Variants in PRKDC observed in about 807,000 individuals in gnomAD.
PRKDC encodes DNA-dependent protein kinase catalytic subunit.
Under a neutral mutation model 486.9 loss-of-function variants are expected in PRKDC, and 82 were observed. That is an observed-to-expected ratio of 0.17 (90% CI 0.14 to 0.20). The LOEUF is 0.20. Among genes scored for constraint, PRKDC ranks in the 10% least tolerant of loss-of-function variants. The pLI, the probability that PRKDC is intolerant of heterozygous loss-of-function variation, is 1.00. For synonymous variants in PRKDC, 1,895 were observed against 1,837.0 expected (o/e 1.03, Z -0.81); for missense variants, 4,504 against 5,038.2 (o/e 0.89, Z 3.21).
chr8:47,836,654 A>G (rs1202725561), intron 57 of PRKDC, 127 bp from the exon 58 acceptor site: 1 of 859,174 alleles, frequency 1.2e-6, no homozygotes, highest in African/African-American at 1.7e-5. Context: ...ATAACTTCAT[A>G]TGCAGCTGAA....
chr8:47,820,866 T>C lies in PRKDC; in HGVS notation c.9189A>G (p.Thr3063=). 1 of 1,611,584 alleles carries C rather than the reference T, an allele frequency of 6.2e-7. No homozygotes were observed. Among genetic ancestry groups the C allele is most frequent in the Non-Finnish European group, 8.5e-7 (1 of 1,178,312 alleles). Residue 3063 remains threonine, a synonymous_variant, in exon 66 of 86, where the codon ACA becomes ACG. Transcript: ENST00000314191. The part of the protein sequence containing the change: ...LQGEADQSLL[T]FIDKAMHGEL... ...CCCCGTGCATAGCTTTGTCAATAAA[T>C]GTCAGCAGGGACTGGTCAGCCTCTC...
chr8:47,862,243 A>G, intron 43 of PRKDC, 116 bp from the exon 44 acceptor site: 1 of 1,336,868 alleles, frequency 7.5e-7, no homozygotes, highest in East Asian at 2.5e-5. Flanking sequence ...AGCTTTAAAT[A>G]TACCTATGCA....
chr8:47,898,414 C>A, intron 29 of PRKDC, 56 bp downstream of exon 29: 1 of 1,355,820 alleles, frequency 7.4e-7, no homozygotes, highest in Non-Finnish European at 1.0e-6. Flanking sequence ...CCTTCATTAG[C>A]TGTGAATTAG....
intron 40 of PRKDC, among the ~76,000 whole-genome samples, chr8:47,874,634 C>G (rs1350285817): frequency 6.6e-6 from 1 of 151,670 alleles, no homozygotes; most frequent in African/African-American, 2.4e-5. Context: ...TGGTGTGTGC[C>G]TGTAGTCTCA....
intron 63 of PRKDC, among the ~76,000 whole-genome samples, chr8:47,825,875 T>C (rs1480397489): frequency 6.6e-6 from 1 of 152,198 alleles, no homozygotes; most frequent in Non-Finnish European, 1.5e-5. Flanking sequence ...TATTTATGTG[T>C]AAAGTACATA....
intron 40 of PRKDC, among the ~76,000 whole-genome samples, chr8:47,865,496 T>C (rs575708554): frequency 4.9e-4 from 74 of 152,368 alleles, no homozygotes; most frequent in Non-Finnish European, 9.3e-4. Flanking sequence ...GGTCCTTTAT[T>C]TTCTCACCTG....
In PRKDC at chr8:47,928,993, A is replaced by G. The variant is rs1301080687; in HGVS notation, c.2139+99T>C. 2.9e-6 allele frequency: 3 copies of G among 1,028,412 alleles called. No individual in the cohort carries two copies. The African/African-American group carries it at 4.9e-5, about 17-fold the overall frequency. The allele number at this position is 1,028,412 out of a possible 1,614,324, so 63.7% of individuals were successfully genotyped here. A position where few individuals can be genotyped will look rare whatever the true frequency, so the allele number is the denominator to read the frequency against. On this transcript the variant is annotated intron_variant, in intron 19 of 85. Transcript: ENST00000314191. ...GCATGAGCCACCGCACCCAGCCCCA[A>G]TTCTTAAAATAATTATTTATGATCA...
intron 29 of PRKDC, among the ~76,000 whole-genome samples, chr8:47,897,898 G>A (rs1164278457): frequency 6.6e-6 from 1 of 152,178 alleles, no homozygotes. Flanking sequence ...TCACTAGCAT[G>A]GATAACAGAT....
Position 47,927,195 on chromosome 8 carries a change from T to C in PRKDC, c.2418A>G (p.Ser806=), listed in dbSNP as rs762107766. The C allele has an allele frequency of 6.2e-7, 1 of 1,613,226 alleles. No individual in the cohort carries two copies. The highest frequency in any genetic ancestry group is 8.5e-7 in the Non-Finnish European group (1 of 1,179,310). Residue 806 remains serine (S), a splice_region_variant and synonymous_variant, in exon 21 of 86, where the codon TCA becomes TCG. Transcript: ENST00000314191. ...LDGYLKTSAL[S]DETKNNWEVS... ...CATCACAATTCTTCTAAACATTACC[T>C]GACAAGGCTGAAGTCTTCAGGTATC...
intron 9 of PRKDC, 68 bp from the exon 10 acceptor site, chr8:47,943,434 T>C: frequency 6.9e-7 from 1 of 1,455,492 alleles, no homozygotes. Flanking sequence ...CCAACAAACC[T>C]GCAGGGATAT....
At position 47,849,316 on chromosome 8, in the gene PRKDC, G is replaced by C; in HGVS notation, c.7131-13C>G. On this transcript the variant is annotated splice_polypyrimidine_tract_variant and intron_variant, in intron 53 of 85. Transcript: ENST00000314191. ...AGCATTCATGAACCTGGCGGGGAAG[G>C]GAACTGGTGAGAGGAGGGCCGAGGA... is the stretch of plus-strand genomic sequence containing the variant. The C allele has an allele frequency of 6.2e-7, 1 of 1,613,932 alleles. No homozygotes were observed. Among genetic ancestry groups the C allele is most frequent in the Non-Finnish European group, 8.5e-7 (1 of 1,179,860 alleles).
At chr8:47,838,927 T>C (rs116419621) in intron 56 of PRKDC, among the ~76,000 whole-genome samples, 65 of 152,384 alleles carry the variant, frequency 4.3e-4, no homozygotes, top group African/African-American at 1.5e-3. Flanking sequence ...TTGGTCCATA[T>C]GACTTTTTCA....
chr8:47,824,340 G>A (rs1206866265), intron 63 of PRKDC, among the ~76,000 whole-genome samples: 1 of 151,928 alleles, frequency 6.6e-6, no homozygotes, highest in African/African-American at 2.4e-5. Context: ...TGGGCATGGT[G>A]GCGCATGCCT....
At position 47,798,404 on chromosome 8, in the gene PRKDC, A is replaced by C; in HGVS notation, c.10298-7T>G. On this transcript the variant is annotated splice_polypyrimidine_tract_variant and splice_region_variant and intron_variant, in intron 72 of 85. Transcript: ENST00000314191. ...AGTTCTGCAGAATCAATAACTATCA[A>C]GGACACCAAAGAAGAAAGCAATGGT... 1 of 1,576,140 alleles carries C rather than the reference A, an allele frequency of 6.3e-7. No individual in the cohort carries two copies. Among genetic ancestry groups the C allele is most frequent in the African/African-American group, 1.4e-5 (1 of 73,428 alleles).
chr8:47,842,844 A>C (rs2088179010), intron 54 of PRKDC, among the ~76,000 whole-genome samples: 1 of 152,196 alleles, frequency 6.6e-6, no homozygotes, highest in African/African-American at 2.4e-5. Context: ...AAATGATTCA[A>C]GAGTCAAAAG....
At chr8:47,897,027 A>G (rs1043336023) in intron 30 of PRKDC, 134 bp downstream of exon 30, 3 of 1,017,622 alleles carry the variant, frequency 2.9e-6, no homozygotes, top group East Asian at 2.4e-5. Context: ...TACCTCATCA[A>G]CTGTTAATAT....
chr8:47,948,119 C>CAT (rs1490318076), intron 7 of PRKDC, among the ~76,000 whole-genome samples: 1 of 151,326 alleles, frequency 6.6e-6, no homozygotes, highest in South Asian at 2.1e-4. Flanking sequence ...CACACACACA[C>CAT]ACACACGCGT....
At chr8:47,953,187 A>G (rs1589817401) in intron 7 of PRKDC, among the ~76,000 whole-genome samples, 1 of 152,282 alleles carries the variant, frequency 6.6e-6, no homozygotes, top group Admixed American at 6.5e-5. Context: ...GCGTGCCTAT[A>G]GTCCCAGCTA....
chr8:47,908,949 C>T (rs981940169), intron 25 of PRKDC, among the ~76,000 whole-genome samples: 13 of 152,144 alleles, frequency 8.5e-5, no homozygotes, highest in Admixed American at 2.6e-4. Context: ...CCTCTGAACT[C>T]TTCTCAACTA....
Sources: allele counts gnomAD v4.1 joint callset (sites outside exome capture counted in the v4.1 genomes callset), GRCh38; gene constraint gnomAD v4.1.1; transcripts MANE v1.5; gene names NCBI Gene and HGNC (gene_info 2026-07-23, HGNC 2026-07-21).